The following DLGAP4 variants were observed in gnomAD, a reference collection of about 807,000 sequenced individuals.
DLGAP4 encodes the protein disks large-associated protein 4.
Under a neutral mutation model 86.9 loss-of-function variants are expected in DLGAP4, and 18 were observed. The ratio of observed to expected loss-of-function variants is 0.21; its 90% CI spans 0.14 to 0.31. The LOEUF (loss-of-function observed/expected upper bound fraction) is 0.31. Among genes scored for constraint, DLGAP4 ranks in the 10% least tolerant of loss-of-function variants. The pLI is 1.00. For synonymous variants in DLGAP4, 548 were observed against 574.3 expected (o/e 0.95, Z 0.65); for missense variants, 1,085 against 1,362.6 (o/e 0.80, Z 3.21).
chr20:36,326,391 T>C (rs1307277673), intron 1 of DLGAP4, among the ~76,000 whole-genome samples: 2 of 151,992 alleles, frequency 1.3e-5, no homozygotes, highest in African/African-American at 4.8e-5. Context: ...TTTATTTTAG[T>C]GCTTGCAGTA....
At chr20:36,399,756 C>T (rs1320085835) in intron 2 of DLGAP4, among the ~76,000 whole-genome samples, 4 of 152,174 alleles carry the variant, frequency 2.6e-5, no homozygotes, top group East Asian at 3.8e-4. Flanking sequence ...GATTCCAGGC[C>T]TTATCCCATC....
At chr20:36,317,637 T>C (rs1423842598) in intron 1 of DLGAP4, among the ~76,000 whole-genome samples, 1 of 150,866 alleles carries the variant, frequency 6.6e-6, no homozygotes, top group East Asian at 1.9e-4. Flanking sequence ...AAAAAAAAAA[T>C]TTAGAGATGG....
chr20:36,525,474 C>T, intron 11 of DLGAP4: 1 of 308,180 alleles, frequency 3.2e-6, no homozygotes, highest in Non-Finnish European at 6.3e-6. Flanking sequence ...ACGAGGGAAA[C>T]AACACAGATT....
chr20:36,387,588 T>C (rs2031642188), intron 2 of DLGAP4, among the ~76,000 whole-genome samples: 1 of 152,222 alleles, frequency 6.6e-6, no homozygotes, highest in Non-Finnish European at 1.5e-5. Flanking sequence ...GTCATAAAGA[T>C]AATTCTAGAT....
chr20:36,494,761 CCT>C (rs1051787972), intron 7 of DLGAP4, among the ~76,000 whole-genome samples: 5 of 152,140 alleles, frequency 3.3e-5, no homozygotes, highest in Non-Finnish European at 7.4e-5. Flanking sequence ...TCCCCTTCAC[CCT>C]CTCCCTAGTG....
At chr20:36,320,400 C>T (rs560804030) in intron 1 of DLGAP4, among the ~76,000 whole-genome samples, 1 of 151,860 alleles carries the variant, frequency 6.6e-6, no homozygotes, top group Non-Finnish European at 1.5e-5. Flanking sequence ...GCAATGGGAA[C>T]CATGCTTGGA....
Position 36,442,768 on chromosome 20 carries a change from T to A in DLGAP4, c.1398T>A (p.His466Gln), listed in dbSNP as rs780865130. ...CCCTGATCCCCCAGTTGTTTGGCCA[T>A]GAGCAGCAGGTCAGTATGTTTGCCC... ...QASLIPQLFGHEQQVREAELS... is the reference protein window; with the variant it reads ...QASLIPQLFGQEQQVREAELS... Residue 466 changes from histidine (H) to glutamine (Q), a missense_variant, in exon 6 of 13, where the codon CAT (histidine) becomes CAA (glutamine). Transcript: ENST00000339266. 6 of 1,614,164 alleles carry A rather than the reference T, an allele frequency of 3.7e-6. No individual in the cohort carries two copies. The highest frequency in any genetic ancestry group is 5.1e-6 in the Non-Finnish European group (6 of 1,180,010).
intron 10 of DLGAP4, among the ~76,000 whole-genome samples, chr20:36,509,533 T>C (rs1360302533): frequency 6.6e-6 from 1 of 152,092 alleles, no homozygotes; most frequent in Non-Finnish European, 1.5e-5. Context: ...ATCACACCAC[T>C]GTACTCCAGC....
At chr20:36,453,715 C>T (rs1462255199) in intron 7 of DLGAP4, among the ~76,000 whole-genome samples, 2 of 150,976 alleles carry the variant, frequency 1.3e-5, no homozygotes, top group Non-Finnish European at 3.0e-5. Flanking sequence ...GGTGGATCAC[C>T]TGAGGTCAGG....
chr20:36,415,886 T>A (rs565435790), intron 2 of DLGAP4, among the ~76,000 whole-genome samples: 7 of 152,252 alleles, frequency 4.6e-5, no homozygotes, highest in African/African-American at 1.7e-4. Flanking sequence ...ATGATCATCA[T>A]CAGGATCACC....
At chr20:36,427,804 G>A (rs569534464) in intron 2 of DLGAP4, among the ~76,000 whole-genome samples, 10 of 151,902 alleles carry the variant, frequency 6.6e-5, no homozygotes, top group Non-Finnish European at 1.2e-4. Flanking sequence ...TTAGCTGGGC[G>A]TGGTGGTGCG....
At chr20:36,450,805 A>C (rs999231574) in intron 7 of DLGAP4, among the ~76,000 whole-genome samples, 1 of 152,204 alleles carries the variant, frequency 6.6e-6, no homozygotes, top group Non-Finnish European at 1.5e-5. Flanking sequence ...TGTTCAGAAA[A>C]GGGGAAAGTA....
chr20:36,311,130 C>G (rs1243354597), intron 1 of DLGAP4, among the ~76,000 whole-genome samples: 4 of 151,972 alleles, frequency 2.6e-5, no homozygotes, highest in African/African-American at 9.7e-5. Flanking sequence ...CATCTTCTAG[C>G]CACAGCCAGG....
intron 1 of DLGAP4, among the ~76,000 whole-genome samples, chr20:36,349,542 G>A (rs2030073560): frequency 6.6e-6 from 1 of 152,184 alleles, no homozygotes; most frequent in Admixed American, 6.6e-5. Flanking sequence ...TGGAAAGGGG[G>A]CTCTGAGAAG....
chr20:36,463,009 G>T (rs2034169908), intron 7 of DLGAP4, among the ~76,000 whole-genome samples: 1 of 150,888 alleles, frequency 6.6e-6, no homozygotes, highest in African/African-American at 2.5e-5. Context: ...TTGCAGGGGG[G>T]TGGGGGTGGG....
intron 4 of DLGAP4, 30 bp downstream of exon 4, chr20:36,436,380 C>T: frequency 1.9e-6 from 3 of 1,556,210 alleles, no homozygotes; most frequent in South Asian, 1.2e-5. Context: ...CTTACGGTCC[C>T]GCCCAGAGGC....
At chr20:36,525,231 A>G (rs867706363) in intron 11 of DLGAP4, among the ~76,000 whole-genome samples, 1 of 109,294 alleles carries the variant, frequency 9.1e-6, no homozygotes, top group Non-Finnish European at 1.9e-5. Flanking sequence ...AAAAAAAAAA[A>G]AAAAAAAAAA....
chr20:36,461,681 C>CCGGG, intron 7 of DLGAP4: 1 of 171,606 alleles, frequency 5.8e-6, no homozygotes, highest in Non-Finnish European at 1.0e-5. Flanking sequence ...CGGCCCGGCC[C>CCGGG]TGCCCCGCCC....
intron 7 of DLGAP4, chr20:36,462,100 GCCT>G: frequency 2.0e-6 from 2 of 995,314 alleles, no homozygotes; most frequent in African/African-American, 1.7e-5. Context: ...CTGGGGTCTC[GCCT>G]CCTCTGAACC....
Sources: gnomAD v4.1 joint callset for allele counts (sites outside exome capture counted in the v4.1 genomes callset) on GRCh38, gnomAD v4.1.1 for gene constraint, MANE v1.5 for transcripts, NCBI Gene and HGNC (gene_info 2026-07-23, HGNC 2026-07-21) for gene names.